The following MAPK6 variants were observed in gnomAD, a reference collection of about 807,000 sequenced individuals.
MAPK6 encodes ERK-3.
Under a neutral mutation model 59.3 loss-of-function variants are expected in MAPK6, and 19 were observed. The observed-to-expected ratio is 0.32, with a 90% CI of 0.22 to 0.47. The LOEUF (loss-of-function observed/expected upper bound fraction) is 0.47. Ranked by LOEUF, MAPK6 falls within the 20% of genes least tolerant of loss-of-function variation. The probability of loss-of-function intolerance (pLI) is 1.00; values close to 1 mark genes in which losing one functional copy is unlikely to be tolerated. For synonymous variants in MAPK6, 316 were observed against 290.3 expected, an observed-to-expected ratio of 1.09 and a Z score of -0.90; for missense variants, 724 against 847.9, an observed-to-expected ratio of 0.85 and a Z score of 1.81.
In MAPK6 at chr15:52,019,346, C is replaced by G. The variant is rs1240661788; in HGVS notation, c.-662C>G. 6.5e-6 allele frequency: 1 copy of G among 152,690 alleles called. No homozygotes were observed. The highest frequency in any genetic ancestry group is 1.5e-5 in the Non-Finnish European group (1 of 67,974). The allele number at this position is 152,690 out of a possible 1,614,324, so 9.5% of individuals were successfully genotyped here. Reference sequence around the variant, plus strand: ...CGACACTGGGGGCAGTCCGCGAGCCCCGCACTCTCTCGATGAGTCGGAGAA... The same window carrying G: ...CGACACTGGGGGCAGTCCGCGAGCCGCGCACTCTCTCGATGAGTCGGAGAA... On this transcript the variant is annotated 5_prime_UTR_variant, in exon 1 of 6. Coordinates refer to ENST00000261845, the MANE Select transcript of MAPK6 (RefSeq NM_002748.4).
intron 2 of MAPK6, among the ~76,000 whole-genome samples, chr15:51,989,456 T>C (rs1037487576): frequency 2.0e-5 from 3 of 152,114 alleles, no homozygotes; most frequent in African/African-American, 7.2e-5. Flanking sequence ...TTTGGGGGGA[T>C]ATAAATAGTC....
intron 3 of MAPK6, among the ~76,000 whole-genome samples, chr15:52,054,747 CACATATACACAT>C (rs1162589199): frequency 6.7e-6 from 1 of 149,954 alleles, no homozygotes; most frequent in African/African-American, 2.5e-5. Flanking sequence ...CACACACACA[CACATATACACAT>C]ACATAGATAC....
At chr15:52,049,961 TA>T (rs541189731) in intron 2 of MAPK6, 31 bp from the exon 3 acceptor site, 7 of 1,582,498 alleles carry the variant, frequency 4.4e-6, no homozygotes, top group Non-Finnish European at 5.2e-6. Context: ...TCAGCTAAAG[TA>T]AAAAAAGTAT....
intron 1 of MAPK6, among the ~76,000 whole-genome samples, chr15:51,978,378 C>T (rs181810547): frequency 4.6e-5 from 7 of 152,026 alleles, no homozygotes; most frequent in Admixed American, 4.6e-4. Flanking sequence ...AGGTGATCCA[C>T]CGGCCTTGGC....
At chr15:52,062,166 C>CAG (rs1051103832) in intron 5 of MAPK6, among the ~76,000 whole-genome samples, 16 of 150,992 alleles carry the variant, frequency 1.1e-4, no homozygotes, top group African/African-American at 3.9e-4. Flanking sequence ...TGTCCTGCCT[C>CAG]AGCCTCCCGA....
intron 3 of MAPK6, among the ~76,000 whole-genome samples, chr15:52,056,300 C>T (rs1055419452): frequency 6.6e-6 from 1 of 152,222 alleles, no homozygotes; most frequent in African/African-American, 2.4e-5. Flanking sequence ...TTTACCTCTT[C>T]TGCTAGATCA....
intron 2 of MAPK6, 61 bp from the exon 3 acceptor site, chr15:52,049,932 A>C: frequency 7.0e-7 from 1 of 1,436,358 alleles, no homozygotes; most frequent in Non-Finnish European, 9.7e-7. Flanking sequence ...TTCTTTAATC[A>C]AGTTGTAAGT....
At chr15:52,058,506 C>T in intron 3 of MAPK6, 127 bp from the exon 4 acceptor site, 1 of 689,496 alleles carries the variant, frequency 1.5e-6, no homozygotes, top group Admixed American at 3.5e-5. Context: ...GCAATGAAAC[C>T]TGCTGATGAT....
At chr15:51,974,950 T>G (rs375405484) in intron 1 of MAPK6, among the ~76,000 whole-genome samples, 1 of 151,246 alleles carries the variant, frequency 6.6e-6, no homozygotes, top group African/African-American at 2.4e-5. Context: ...ATTCCTGACC[T>G]CAGGTGATCC....
chr15:51,998,163 C>T (rs1202693398), intron 2 of MAPK6, among the ~76,000 whole-genome samples: 4 of 151,032 alleles, frequency 2.6e-5, no homozygotes, highest in African/African-American at 4.9e-5. Flanking sequence ...AGGATGGTCG[C>T]GATCGCCTGA....
intron 2 of MAPK6, 152 bp from the exon 3 acceptor site, chr15:52,049,841 G>T: frequency 1.5e-6 from 1 of 646,320 alleles, no homozygotes; most frequent in Non-Finnish European, 2.7e-6. Context: ...TCGAACTCCC[G>T]ACCTTGGGTG....
intron 2 of MAPK6, among the ~76,000 whole-genome samples, chr15:52,001,514 T>TC (rs1233107397): frequency 1.3e-5 from 2 of 149,448 alleles, no homozygotes; most frequent in Non-Finnish European, 3.0e-5. Flanking sequence ...CCTTTCTTTT[T>TC]TTTTTTTTTT....
At chr15:52,023,993 T>A (rs897243661) in intron 1 of MAPK6, among the ~76,000 whole-genome samples, 1 of 152,238 alleles carries the variant, frequency 6.6e-6, no homozygotes, top group Non-Finnish European at 1.5e-5. Flanking sequence ...GATTGAATGT[T>A]TGTATAGCAA....
At chr15:52,051,670 T>C (rs1424104535) in intron 3 of MAPK6, among the ~76,000 whole-genome samples, 1 of 152,020 alleles carries the variant, frequency 6.6e-6, no homozygotes, top group African/African-American at 2.4e-5. Context: ...GGTCAGGAGT[T>C]TGAGACCAGG....
intron 2 of MAPK6, among the ~76,000 whole-genome samples, chr15:51,994,492 A>G (rs2057219166): frequency 6.6e-6 from 1 of 152,170 alleles, no homozygotes; most frequent in Non-Finnish European, 1.5e-5. Flanking sequence ...TGTGGTAAGC[A>G]ATGATCGTGC....
Position 52,031,726 on chromosome 15 carries a change from G to C in MAPK6, c.-632+12350G>C, listed in dbSNP as rs114191105. On this transcript the variant is annotated intron_variant, in intron 1 of 5. Coordinates refer to ENST00000261845, the MANE Select transcript of MAPK6 (RefSeq NM_002748.4). ...CTTGCACGGTGGTCATAGCTACTCAGAAGGCTGAGATGGTCCACCCACCTT... is the reference window on the plus strand; with the variant it reads ...CTTGCACGGTGGTCATAGCTACTCACAAGGCTGAGATGGTCCACCCACCTT... 1.9e-3 allele frequency among the ~76,000 whole-genome samples: 291 copies of C among 152,198 alleles called. 3 individuals carry two copies. Among genetic ancestry groups the C allele is most frequent in the African/African-American group, 6.8e-3 (283 of 41,524 alleles).
chr15:51,972,530 G>A (rs1006769052), intron 1 of MAPK6, among the ~76,000 whole-genome samples: 1 of 81,278 alleles, frequency 1.2e-5, no homozygotes, highest in East Asian at 3.6e-4. Context: ...AGCTTTAAAT[G>A]ACCATTTTTT....
rs924451269 is a variant in MAPK6 at position 52,061,622 on chromosome 15, G to T, written c.1067+122G>T. ...AGTCTTAAAAATTTAGTAATGTAAA[G>T]ATACAAAAATTAGTCAGGTGTGGTG... is the stretch of plus-strand genomic sequence containing the variant. On this transcript the variant is annotated intron_variant, in intron 5 of 5. Transcript: ENST00000261845. 8 of 791,986 alleles carry T rather than the reference G, an allele frequency of 1.0e-5. No individual in the cohort carries two copies. In the African/African-American group the frequency reaches 1.4e-4, roughly 14 times the overall value. 49.1% of individuals were successfully genotyped at this position (791,986 alleles called of 1,614,324 possible).
At chr15:52,053,858 C>T (rs1383599463) in intron 3 of MAPK6, among the ~76,000 whole-genome samples, 1 of 151,648 alleles carries the variant, frequency 6.6e-6, no homozygotes, top group Non-Finnish European at 1.5e-5. Flanking sequence ...AGGCTGATCT[C>T]GAACTCCTGA....
Sources: allele counts gnomAD v4.1 joint callset (sites outside exome capture counted in the v4.1 genomes callset), GRCh38; gene constraint gnomAD v4.1.1; transcripts MANE v1.5; gene names NCBI Gene and HGNC (gene_info 2026-07-23, HGNC 2026-07-21).